Variants in ADCY2 observed in about 807,000 individuals in gnomAD.
ADCY2 encodes adenylate cyclase type 2.
A neutral mutation model predicts 125.2 loss-of-function variants in ADCY2; 31 were observed. The ratio of observed to expected loss-of-function variants is 0.25; its 90% CI spans 0.19 to 0.33. The LOEUF is 0.33. Among genes scored for constraint, ADCY2 ranks in the 10% least tolerant of loss-of-function variants. ADCY2 has a pLI of 1.00. For missense variants in ADCY2, 904 were observed against 1,418.2 expected, an observed-to-expected ratio of 0.64 and a Z score of 5.82; for synonymous variants, 512 against 548.4, an observed-to-expected ratio of 0.93 and a Z score of 0.93.
intron 2 of ADCY2, among the ~76,000 whole-genome samples, chr5:7,517,350 T>A (rs148472182): frequency 6.6e-6 from 1 of 152,228 alleles, no homozygotes; most frequent in African/African-American, 2.4e-5. Flanking sequence ...ACCCAAGAGA[T>A]AGCATTCGAC....
intron 3 of ADCY2, among the ~76,000 whole-genome samples, chr5:7,575,353 T>C (rs1323586801): frequency 6.6e-6 from 1 of 152,166 alleles, no homozygotes; most frequent in African/African-American, 2.4e-5. Flanking sequence ...AAACTGTTTT[T>C]TAAAAACCTC....
intron 5 of ADCY2, among the ~76,000 whole-genome samples, chr5:7,694,092 T>C (rs1740810346): frequency 6.6e-6 from 1 of 152,134 alleles, no homozygotes; most frequent in East Asian, 1.9e-4. Flanking sequence ...GATTTTCCTG[T>C]AACCATCAGA....
At chr5:7,666,054 G>A (rs11742402) in intron 4 of ADCY2, among the ~76,000 whole-genome samples, 2,769 of 151,032 alleles carry the variant, frequency 0.018, 47 homozygotes, top group Non-Finnish European at 0.029. Flanking sequence ...TAGCCAGGAT[G>A]GTCTCGATCT....
intron 18 of ADCY2, chr5:7,782,123 C>A (rs1743940011): frequency 6.0e-6 from 1 of 166,986 alleles, no homozygotes; most frequent in African/African-American, 2.4e-5. Flanking sequence ...CTGCTCGTGC[C>A]TCGTGATTCC....
chr5:7,764,735 A>G (rs944405082), intron 16 of ADCY2, among the ~76,000 whole-genome samples: 3 of 152,240 alleles, frequency 2.0e-5, no homozygotes, highest in African/African-American at 7.2e-5. Context: ...AGAGCTGCCT[A>G]AATCATTATG....
chr5:7,435,699 A>G (rs1007720401), intron 2 of ADCY2, among the ~76,000 whole-genome samples: 2 of 152,220 alleles, frequency 1.3e-5, no homozygotes, highest in Non-Finnish European at 2.9e-5. Context: ...GCCAAACTCT[A>G]TTTTGAGTAT....
chr5:7,555,084 A>T (rs2126579136), intron 3 of ADCY2, among the ~76,000 whole-genome samples: 1 of 152,328 alleles, frequency 6.6e-6, no homozygotes, highest in South Asian at 2.1e-4. Context: ...CACTGAATTC[A>T]TCAATGTCCC....
At chr5:7,416,876 T>C (rs1739969626) in intron 2 of ADCY2, among the ~76,000 whole-genome samples, 1 of 152,132 alleles carries the variant, frequency 6.6e-6, no homozygotes. Flanking sequence ...TGTTTTAAAG[T>C]TACAGGTTTC....
intron 20 of ADCY2, among the ~76,000 whole-genome samples, chr5:7,790,198 A>G (rs766855421): frequency 1.5e-4 from 21 of 140,518 alleles, no homozygotes; most frequent in Non-Finnish European, 3.3e-4. Flanking sequence ...CCAAGAGGCA[A>G]CGTTAAACCA....
At chr5:7,793,719 C>G (rs534764531) in intron 20 of ADCY2, 1 of 152,242 alleles carries the variant, frequency 6.6e-6, no homozygotes, top group African/African-American at 2.4e-5. Context: ...AGAAGGTGAA[C>G]CCCTTGGGGG....
chr5:7,564,532 G>A (rs1735824739), intron 3 of ADCY2, among the ~76,000 whole-genome samples: 1 of 152,118 alleles, frequency 6.6e-6, no homozygotes, highest in Non-Finnish European at 1.5e-5. Flanking sequence ...CCACCCAGCT[G>A]GCGGGTATTA....
At position 7,493,610 on chromosome 5, in the gene ADCY2, G is replaced by C. The variant is rs10223110; in HGVS notation, c.409-27128G>C. Among the ~76,000 whole-genome samples, 1,064 of 152,258 alleles carry C rather than the reference G, an allele frequency of 7.0e-3. 16 individuals carry two copies. The highest frequency in any genetic ancestry group is 0.024 in the African/African-American group (1,001 of 41,520). On this transcript the variant is annotated intron_variant, in intron 2 of 24. Transcript: ENST00000338316. The stretch of plus-strand genomic sequence containing the variant: ...CTTCCTAGAAGATGTGAAGACAGTA[G>C]GCATGCAGCTTTGGGATGGCAGGAG...
intron 3 of ADCY2, among the ~76,000 whole-genome samples, chr5:7,532,469 GCCTT>G: frequency 6.6e-6 from 1 of 152,194 alleles, no homozygotes; most frequent in African/African-American, 2.4e-5. Flanking sequence ...CAACTGCTTT[GCCTT>G]GTTCCTCCAG....
chr5:7,680,763 G>T (rs1246530624), intron 4 of ADCY2, among the ~76,000 whole-genome samples: 1 of 152,178 alleles, frequency 6.6e-6, no homozygotes. Flanking sequence ...AATTCTGTAA[G>T]CTCTAAGCCA....
rs533317014 is a variant in ADCY2 at position 7,758,944 on chromosome 5, C to G, written c.2094+1358C>G. ...TGAATGTTTACATGGGGTCAGTCCT[C>G]CAGGTCACGCGAGAGATCGTAAATT... On this transcript the variant is annotated intron_variant, in intron 16 of 24. Coordinates refer to ENST00000338316, the MANE Select transcript of ADCY2 (RefSeq NM_020546.3). 3.3e-5 allele frequency among the ~76,000 whole-genome samples: 5 copies of G among 152,300 alleles called. No homozygotes were observed. The South Asian group carries it at 8.3e-4, about 25-fold the overall frequency.
chr5:7,513,016 C>T (rs1171726024), intron 2 of ADCY2, among the ~76,000 whole-genome samples: 1 of 150,606 alleles, frequency 6.6e-6, no homozygotes, highest in Non-Finnish European at 1.5e-5. Context: ...GGTGATTTCT[C>T]AACTGAACCA....
intron 4 of ADCY2, among the ~76,000 whole-genome samples, chr5:7,674,166 G>C (rs1740037502): frequency 6.6e-6 from 1 of 152,182 alleles, no homozygotes; most frequent in Non-Finnish European, 1.5e-5. Flanking sequence ...CCTTGCACTT[G>C]TGGTGGTGGT....
chr5:7,820,749 T>C (rs1182701126), intron 24 of ADCY2, 60 bp downstream of exon 24: 3 of 1,543,392 alleles, frequency 1.9e-6, no homozygotes. Context: ...TTGGGAACCA[T>C]AAATAAGTAT....
At chr5:7,734,411 A>G (rs1333766767) in intron 14 of ADCY2, among the ~76,000 whole-genome samples, 3 of 152,214 alleles carry the variant, frequency 2.0e-5, no homozygotes, top group Non-Finnish European at 2.9e-5. Flanking sequence ...GCAGAAAGGA[A>G]GGAGGACCTT....
Sources: gnomAD v4.1 joint callset for allele counts (sites outside exome capture counted in the v4.1 genomes callset) on GRCh38, gnomAD v4.1.1 for gene constraint, MANE v1.5 for transcripts, NCBI Gene and HGNC (gene_info 2026-07-23, HGNC 2026-07-21) for gene names.